Variants in TNRC18 observed in about 807,000 individuals in gnomAD.
TNRC18 encodes trinucleotide repeat-containing gene 18 protein.
TNRC18 carries 69 observed loss-of-function variants against 226.7 expected under a neutral mutation model. The ratio of observed to expected loss-of-function variants is 0.30; its 90% CI spans 0.25 to 0.37. TNRC18 has a LOEUF of 0.37. TNRC18 is among the 10% of genes least tolerant of loss of function. TNRC18 has a pLI of 1.00. For synonymous variants in TNRC18, 2,449 were observed against 1,927.6 expected (o/e 1.27, Z -7.09); for missense variants, 4,754 against 4,256.6 (o/e 1.12, Z -3.25).
rs766886222 is a variant in TNRC18, at chr7:5,374,317, G to A, written c.2967C>T (p.Ala989=). 312 of 1,433,664 alleles carry A rather than the reference G, an allele frequency of 2.2e-4. 1 individual carries two copies. Among genetic ancestry groups the A allele is most frequent in the Middle Eastern group, 2.5e-4 (1 of 3,928 alleles). The allele number at this position is 1,433,664 out of a possible 1,614,324, so 88.8% of individuals were successfully genotyped here. The change falls in exon 10 of 30, where the codon GCC becomes GCT. Residue 989 remains alanine, a synonymous_variant. Coordinates refer to ENST00000430969, the MANE Select transcript of TNRC18 (RefSeq NM_001080495.3). ...CGCGGGGTGATGGTGGCGGGCTCAC[G>A]GCCTTGCCGTAGGTGCCCGCGGGGC... ...AAGPAGTYGK[A]VSPPPSPRAS...
rs1018326772 is a variant in TNRC18, at chr7:5,394,620, G to A, written c.188-25C>T. The A allele has an allele frequency of 8.4e-5, 128 of 1,529,512 alleles. No individual in the cohort carries two copies. The highest frequency in any genetic ancestry group is 4.1e-4 in the Admixed American group (19 of 45,844). The allele number at this position is 1,529,512 out of a possible 1,614,324, so 94.7% of individuals were successfully genotyped here. On this transcript the variant is annotated intron_variant, in intron 2 of 29. Transcript: ENST00000430969. This position sits in a 1 kb window ranked among gnomAD's most constrained non-coding sequence, Gnocchi z 4.5. ...CCTGCAGAGAGAAGTTGGGAGGACC[G>A]TCAGGCAGACAACCAGGGAGGCGCC...
chr7:5,344,726 G>A (rs1007839533), intron 18 of TNRC18, among the ~76,000 whole-genome samples: 9 of 152,266 alleles, frequency 5.9e-5, no homozygotes, highest in Non-Finnish European at 8.8e-5. Context: ...TGGGGCCAGG[G>A]GAACTCAGAG....
In TNRC18 at chr7:5,345,517, G is replaced by GCTCCCC; in HGVS notation, c.5719+44_5719+45insGGGGAG. The GCTCCCC allele has an allele frequency of 8.5e-5, 32 of 377,744 alleles. 1 individual carries two copies. Among genetic ancestry groups the GCTCCCC allele is most frequent in the South Asian group, 5.3e-4 (12 of 22,822 alleles). 23.4% of individuals were successfully genotyped at this position (377,744 alleles called of 1,614,324 possible). On this transcript the variant is annotated intron_variant, in intron 18 of 29. Transcript: ENST00000430969. ...CCTGTGGGATGGGGCAATGGCGTCC[G>GCTCCCC]CCCCTCCCACCCACCCCCACCGCAG...
intron 5 of TNRC18, among the ~76,000 whole-genome samples, chr7:5,383,554 C>T (rs1027575948): frequency 6.6e-6 from 1 of 152,222 alleles, no homozygotes; most frequent in African/African-American, 2.4e-5. Context: ...TGGACTTAAA[C>T]CCATTGACAA....
At chr7:5,420,186 G>T (rs566170355) in intron 2 of TNRC18, 5 of 342,574 alleles carry the variant, frequency 1.5e-5, no homozygotes, top group African/African-American at 1.1e-4. Context: ...CCCGGGTACC[G>T]TCCCCACCGC....
At position 5,385,004 on chromosome 7, in the gene TNRC18, C is replaced by T. The variant is rs116680410; in HGVS notation, c.2152+2668G>A. ...ACTCAAAATCCAAAGACTTCAGGGCCGTCCCCGGAAGGCAGGAGCATCTGG... is the reference window on the plus strand; with the variant it reads ...ACTCAAAATCCAAAGACTTCAGGGCTGTCCCCGGAAGGCAGGAGCATCTGG... On this transcript the variant is annotated intron_variant, in intron 5 of 29. Transcript: ENST00000430969. 5.0e-3 allele frequency among the ~76,000 whole-genome samples: 757 copies of T among 152,344 alleles called. 6 individuals are homozygous for T. Among genetic ancestry groups the T allele is most frequent in the African/African-American group, 0.018 (735 of 41,574 alleles).
intron 11 of TNRC18, among the ~76,000 whole-genome samples, chr7:5,363,360 T>G (rs567535613): frequency 6.6e-6 from 1 of 152,006 alleles, no homozygotes; most frequent in Non-Finnish European, 1.5e-5. Context: ...CCCAGCACTT[T>G]GGGAGGCCGA....
At chr7:5,329,150 A>G (rs185284103) in intron 19 of TNRC18, among the ~76,000 whole-genome samples, 24 of 152,048 alleles carry the variant, frequency 1.6e-4, no homozygotes, top group Non-Finnish European at 3.1e-4. Flanking sequence ...TAAAAATACA[A>G]AAGTGAGCCG....
chr7:5,347,981 T>G (rs565892038), intron 17 of TNRC18, among the ~76,000 whole-genome samples: 5 of 152,102 alleles, frequency 3.3e-5, no homozygotes, highest in African/African-American at 1.2e-4. Context: ...ATAAAAACTT[T>G]AAAAACATAA....
At chr7:5,332,480 G>T (rs771818201) in intron 19 of TNRC18, 142 bp downstream of exon 19, 369 of 885,032 alleles carry the variant, frequency 4.2e-4, no homozygotes, top group Non-Finnish European at 5.7e-4. Flanking sequence ...CTAAGTCCTA[G>T]CAGGGGCTCC....
chr7:5,419,575 G>T (rs911864590), intron 2 of TNRC18, among the ~76,000 whole-genome samples: 1 of 152,156 alleles, frequency 6.6e-6, no homozygotes, highest in Non-Finnish European at 1.5e-5. Flanking sequence ...GGTCCCCCGC[G>T]CCCCTCCCTC....
At chr7:5,314,752 T>C (rs1787670974) in intron 26 of TNRC18, among the ~76,000 whole-genome samples, 1 of 152,048 alleles carries the variant, frequency 6.6e-6, no homozygotes, top group Non-Finnish European at 1.5e-5. Flanking sequence ...TTTGTATTTT[T>C]AGTAGAGACG....
intron 17 of TNRC18, 106 bp from the exon 18 acceptor site, chr7:5,345,916 C>T: frequency 7.0e-7 from 1 of 1,420,948 alleles, no homozygotes; most frequent in South Asian, 1.5e-5. Context: ...CCTAGTCCCT[C>T]AGTCCTGAGC....
In TNRC18 at chr7:5,421,283, C is replaced by G; in HGVS notation, c.-37G>C. 1 of 1,267,438 alleles carries G rather than the reference C, an allele frequency of 7.9e-7. No homozygotes were observed. The highest frequency in any genetic ancestry group is 3.2e-5 in the South Asian group (1 of 31,420). The allele number at this position is 1,267,438 out of a possible 1,614,324, so 78.5% of individuals were successfully genotyped here. On this transcript the variant is annotated 5_prime_UTR_variant, in exon 2 of 30. Transcript: ENST00000430969. The stretch of plus-strand genomic sequence containing the variant: ...GTGCCGCGATCAGCCCCCCACCCGG[C>G]CCGCAGGCCTAGCTCAGTGGGACCT...
chr7:5,345,517 G>GCTCCC lies in TNRC18; in HGVS notation c.5719+44_5719+45insGGGAG. 1.4e-4 allele frequency: 52 copies of GCTCCC among 377,744 alleles called. 2 individuals carry two copies. Among genetic ancestry groups the GCTCCC allele is most frequent in the South Asian group, 7.9e-4 (18 of 22,822 alleles). 23.4% of individuals were successfully genotyped at this position (377,744 alleles called of 1,614,324 possible). On this transcript the variant is annotated intron_variant, in intron 18 of 29. Coordinates refer to ENST00000430969, the MANE Select transcript of TNRC18 (RefSeq NM_001080495.3). ...CCTGTGGGATGGGGCAATGGCGTCC[G>GCTCCC]CCCCTCCCACCCACCCCCACCGCAG...
rs573520409 is a variant in TNRC18, at chr7:5,336,001, G to A, written c.5720-2952C>T. On this transcript the variant is annotated intron_variant, in intron 18 of 29. Coordinates refer to ENST00000430969, the MANE Select transcript of TNRC18 (RefSeq NM_001080495.3). ...GCGGGCAGATCACTTGAGGTGAGGAGTTTGAGACCAGCCTGGCCAACATGG... is the reference window on the plus strand; with the variant it reads ...GCGGGCAGATCACTTGAGGTGAGGAATTTGAGACCAGCCTGGCCAACATGG... 1.3e-3 allele frequency among the ~76,000 whole-genome samples: 203 copies of A among 152,048 alleles called. 1 individual carries two copies. The highest frequency in any genetic ancestry group is 2.7e-3 in the Admixed American group (41 of 15,250).
chr7:5,420,943 C>T, intron 2 of TNRC18, 117 bp downstream of exon 2: 2 of 1,309,200 alleles, frequency 1.5e-6, no homozygotes, highest in Non-Finnish European at 2.2e-6. Context: ...CTGCCCGCAC[C>T]CCCGTGGCCG....
intron 24 of TNRC18, among the ~76,000 whole-genome samples, chr7:5,316,451 G>A (rs1405552606): frequency 6.6e-6 from 1 of 151,854 alleles, no homozygotes; most frequent in East Asian, 1.9e-4. Flanking sequence ...GGCTAATTCT[G>A]TATTTTCAGT....
chr7:5,363,805 C>T (rs1429998562), intron 11 of TNRC18, among the ~76,000 whole-genome samples: 1 of 151,842 alleles, frequency 6.6e-6, no homozygotes, highest in Non-Finnish European at 1.5e-5. Context: ...ATGCATAGCT[C>T]TTATAATCAG....
Sources: gnomAD v4.1 joint callset for allele counts (sites outside exome capture counted in the v4.1 genomes callset) on GRCh38, gnomAD v4.1.1 for gene constraint, Gnocchi (gnomAD v3.1) non-coding constraint, MANE v1.5 for transcripts, NCBI Gene and HGNC (gene_info 2026-07-23, HGNC 2026-07-21) for gene names.